ZNF385D: variants seen among roughly 807,000 people sequenced by gnomAD.
The protein encoded by ZNF385D is zinc finger protein 385D.
Under a neutral mutation model 35.8 loss-of-function variants are expected in ZNF385D, and 15 were observed. That is an observed-to-expected ratio of 0.42 (90% CI 0.28 to 0.64). The LOEUF is 0.64. Among genes scored for constraint, ZNF385D ranks in the 30% least tolerant of loss-of-function variants. ZNF385D has a pLI of 0.23. For missense variants in ZNF385D, 474 were observed against 494.6 expected, an observed-to-expected ratio of 0.96 and a Z score of 0.39; for synonymous variants, 212 against 186.8, an observed-to-expected ratio of 1.13 and a Z score of -1.10.
At chr3:21,823,973 T>G (rs562679818) in intron 3 of ZNF385D, among the ~76,000 whole-genome samples, 1 of 152,170 alleles carries the variant, frequency 6.6e-6, no homozygotes, top group South Asian at 2.1e-4. Context: ...ATTACACTAT[T>G]TAATGATGCA....
chr3:22,217,503 G>A (rs1012578201), intron 2 of ZNF385D, among the ~76,000 whole-genome samples: 6 of 152,190 alleles, frequency 3.9e-5, no homozygotes, highest in Non-Finnish European at 4.4e-5. Flanking sequence ...CCTCTACAAT[G>A]ACCCTGTTTC....
intron 3 of ZNF385D, among the ~76,000 whole-genome samples, chr3:22,137,635 G>C (rs1083718): frequency 1.3e-5 from 2 of 152,072 alleles, no homozygotes; most frequent in African/African-American, 4.8e-5. Context: ...CATGCTAAAA[G>C]CTCTCAATAA....
At chr3:22,273,460 T>C (rs1701277549) in intron 2 of ZNF385D, among the ~76,000 whole-genome samples, 1 of 151,968 alleles carries the variant, frequency 6.6e-6, no homozygotes, top group Non-Finnish European at 1.5e-5. Flanking sequence ...GTGGTTCTAC[T>C]GGTATCGAAT....
At chr3:21,561,410 A>G (rs540635890) in intron 3 of ZNF385D, among the ~76,000 whole-genome samples, 1 of 152,124 alleles carries the variant, frequency 6.6e-6, no homozygotes, top group East Asian at 1.9e-4. Context: ...GAGCTCCCCA[A>G]CCCCTTGTGC....
intron 3 of ZNF385D, among the ~76,000 whole-genome samples, chr3:21,997,874 T>C (rs145674206): frequency 7.8e-3 from 335 of 43,144 alleles, no homozygotes; most frequent in Admixed American, 0.032. Context: ...CGCGCGCGCG[T>C]GTGTGTGTGT....
intron 5 of ZNF385D, among the ~76,000 whole-genome samples, chr3:21,431,966 G>A (rs1399075090): frequency 1.3e-5 from 2 of 152,128 alleles, no homozygotes; most frequent in African/African-American, 4.8e-5. Context: ...TGTATTCTCT[G>A]TGTCTAACAC....
chr3:22,333,109 A>G (rs1695013048), intron 2 of ZNF385D, among the ~76,000 whole-genome samples: 1 of 152,096 alleles, frequency 6.6e-6, no homozygotes. Flanking sequence ...CCTTTTCTTT[A>G]CAACATTTAA....
At chr3:22,180,218 C>A (rs910930057) in intron 2 of ZNF385D, among the ~76,000 whole-genome samples, 4 of 152,292 alleles carry the variant, frequency 2.6e-5, no homozygotes, top group African/African-American at 7.2e-5. Context: ...CACATACACC[C>A]TCCGAAGACT....
At chr3:22,128,274 GTTAT>G (rs978440045) in intron 3 of ZNF385D, among the ~76,000 whole-genome samples, 1 of 152,032 alleles carries the variant, frequency 6.6e-6, no homozygotes, top group African/African-American at 2.4e-5. Context: ...TCTTTTATGT[GTTAT>G]TTATTTATTT....
intron 2 of ZNF385D, among the ~76,000 whole-genome samples, chr3:21,649,134 T>C (rs932980189): frequency 2.0e-5 from 3 of 152,156 alleles, no homozygotes; most frequent in African/African-American, 7.2e-5. Flanking sequence ...GTACATAATC[T>C]GATTTAATTG....
At chr3:21,756,860 C>G (rs114932674) in intron 3 of ZNF385D, among the ~76,000 whole-genome samples, 4,410 of 152,188 alleles carry the variant, frequency 0.029, 101 homozygotes, top group Middle Eastern at 0.048. Context: ...GAAACAAATA[C>G]CTAATTCAAT....
At chr3:22,099,686 C>A (rs1042419057) in intron 3 of ZNF385D, among the ~76,000 whole-genome samples, 1 of 151,960 alleles carries the variant, frequency 6.6e-6, no homozygotes, top group African/African-American at 2.4e-5. Context: ...GGACTTGCAG[C>A]AGACCCTGAA....
At chr3:21,662,048 C>A (rs2066254070) in intron 2 of ZNF385D, among the ~76,000 whole-genome samples, 1 of 152,128 alleles carries the variant, frequency 6.6e-6, no homozygotes, top group Admixed American at 6.6e-5. Context: ...AGAATATAGT[C>A]TCTGATCACC....
intron 2 of ZNF385D, among the ~76,000 whole-genome samples, chr3:21,592,933 C>T (rs2064024139): frequency 6.6e-6 from 1 of 152,166 alleles, no homozygotes; most frequent in South Asian, 2.1e-4. Context: ...TTCCCTACAC[C>T]TGCTACAGGG....
intron 3 of ZNF385D, among the ~76,000 whole-genome samples, chr3:22,029,330 G>T (rs765649599): frequency 6.6e-6 from 1 of 152,192 alleles, no homozygotes. Flanking sequence ...GCTTCTCATA[G>T]TATGACCATG....
At chr3:21,758,198 G>T (rs1307250425) in intron 3 of ZNF385D, among the ~76,000 whole-genome samples, 1 of 152,174 alleles carries the variant, frequency 6.6e-6, no homozygotes, top group Non-Finnish European at 1.5e-5. Context: ...GATCTGTTAA[G>T]TTGTTGCTAT....
At chr3:21,517,704 C>A (rs905380271) in intron 3 of ZNF385D, among the ~76,000 whole-genome samples, 2 of 152,136 alleles carry the variant, frequency 1.3e-5, no homozygotes, top group African/African-American at 4.8e-5. Flanking sequence ...GTCACATGCA[C>A]AGGTGCAGCC....
intron 4 of ZNF385D, among the ~76,000 whole-genome samples, chr3:21,489,766 G>A (rs1047278496): frequency 2.6e-5 from 4 of 152,058 alleles, no homozygotes; most frequent in Admixed American, 1.3e-4. Context: ...ATGGGTTATG[G>A]ACCTCTAGAA....
intron 2 of ZNF385D, among the ~76,000 whole-genome samples, chr3:22,363,158 C>G (rs1408857118): frequency 1.7e-5 from 1 of 59,734 alleles, no homozygotes; most frequent in Non-Finnish European, 3.4e-5. Flanking sequence ...CAAGGTCTAC[C>G]ACTGCCTGGA....
Sources: gnomAD v4.1 joint callset for allele counts (sites outside exome capture counted in the v4.1 genomes callset) on GRCh38, gnomAD v4.1.1 for gene constraint, MANE v1.5 for transcripts, NCBI Gene and HGNC (gene_info 2026-07-23, HGNC 2026-07-21) for gene names.